Variants in SLC17A8 observed in about 807,000 individuals in gnomAD.
SLC17A8 encodes the protein solute carrier family 17 member 8.
SLC17A8 carries 31 observed loss-of-function variants against 58.0 expected under a neutral mutation model. The ratio of observed to expected loss-of-function variants is 0.53; its 90% confidence interval spans 0.40 to 0.72. The LOEUF (loss-of-function observed/expected upper bound fraction) is 0.72, where lower values mean the gene tolerates loss of function less well. SLC17A8 is among the 30% of genes least tolerant of loss of function. The pLI, the probability that SLC17A8 is intolerant of heterozygous loss-of-function variation, is 0.00. For synonymous variants in SLC17A8, 228 were observed against 249.0 expected (o/e 0.92, Z 0.79); for missense variants, 655 against 727.8 (o/e 0.90, Z 1.15).
chr12:100,419,946 A>G lies in SLC17A8; in HGVS notation c.1557A>G (p.Lys519=). The part of the protein sequence containing the change: ...WADPENLSEE[K]CGIIDQDELA... ...ACCCAGAGAATCTCTCTGAGGAGAAATGTGGAATCATTGACCAGGACGAAT... is the reference window on the plus strand; with the variant it reads ...ACCCAGAGAATCTCTCTGAGGAGAAGTGTGGAATCATTGACCAGGACGAAT... The change falls in exon 12 of 12, where the codon AAA becomes AAG. Residue 519 remains lysine (K), a synonymous_variant. Coordinates refer to ENST00000323346, the MANE Select transcript of SLC17A8 (RefSeq NM_139319.3). 6.2e-7 allele frequency: 1 copy of G among 1,614,184 alleles called. No homozygotes were observed. The highest frequency in any genetic ancestry group is 8.5e-7 in the Non-Finnish European group (1 of 1,180,042).
intron 2 of SLC17A8, among the ~76,000 whole-genome samples, chr12:100,386,234 T>C (rs986322708): frequency 2.0e-5 from 3 of 152,156 alleles, no homozygotes; most frequent in Non-Finnish European, 4.4e-5. Context: ...TGACACAGTG[T>C]TTGGTTTATT....
chr12:100,400,638 A>T (rs1952784453), intron 5 of SLC17A8, among the ~76,000 whole-genome samples: 1 of 152,164 alleles, frequency 6.6e-6, no homozygotes, highest in African/African-American at 2.4e-5. Context: ...CTTCCTTAGC[A>T]TCAAATTCTG....
intron 1 of SLC17A8, among the ~76,000 whole-genome samples, chr12:100,364,969 G>GT (rs1419351367): frequency 6.6e-6 from 1 of 152,090 alleles, no homozygotes; most frequent in East Asian, 1.9e-4. Flanking sequence ...ACCAAACTAA[G>GT]TTTTTTTTCC....
At chr12:100,361,835 C>T (rs887704370) in intron 1 of SLC17A8, among the ~76,000 whole-genome samples, 3 of 152,028 alleles carry the variant, frequency 2.0e-5, no homozygotes, top group African/African-American at 7.2e-5. Flanking sequence ...GAGGCATGTG[C>T]CTATAGTCGT....
intron 9 of SLC17A8, among the ~76,000 whole-genome samples, chr12:100,405,861 G>A (rs996694921): frequency 1.1e-4 from 17 of 152,250 alleles, no homozygotes; most frequent in Admixed American, 9.8e-4. Context: ...CTAACACAGC[G>A]GTAGGCAGGG....
At chr12:100,419,394 CGTG>C (rs1356537311) in intron 11 of SLC17A8, among the ~76,000 whole-genome samples, 1 of 151,932 alleles carries the variant, frequency 6.6e-6, no homozygotes, top group Non-Finnish European at 1.5e-5. Context: ...ATTAGCCAGG[CGTG>C]GTGGCGGGCA....
chr12:100,397,593 C>T (rs984301184), intron 5 of SLC17A8, among the ~76,000 whole-genome samples: 2 of 152,116 alleles, frequency 1.3e-5, no homozygotes, highest in Admixed American at 6.6e-5. Flanking sequence ...CAGCACATGC[C>T]GCTGCCATCA....
chr12:100,381,094 C>G (rs1592993805), intron 2 of SLC17A8, 141 bp downstream of exon 2: 1 of 904,332 alleles, frequency 1.1e-6, no homozygotes, highest in East Asian at 2.4e-5. Flanking sequence ...ATCTCAGCAT[C>G]CTCCCATTTC....
At chr12:100,401,696 A>G in intron 5 of SLC17A8, 81 bp from the exon 6 acceptor site, 1 of 1,147,412 alleles carries the variant, frequency 8.7e-7, no homozygotes, top group Non-Finnish European at 1.3e-6. Context: ...TTAATTCCTG[A>G]CTTTACCATA....
intron 2 of SLC17A8, among the ~76,000 whole-genome samples, chr12:100,386,848 C>T (rs192846808): frequency 6.6e-6 from 1 of 152,188 alleles, no homozygotes; most frequent in East Asian, 1.9e-4. Flanking sequence ...GCCACCATGC[C>T]AGGCTAATTT....
At chr12:100,382,146 G>A (rs1952642320) in intron 2 of SLC17A8, among the ~76,000 whole-genome samples, 1 of 152,228 alleles carries the variant, frequency 6.6e-6, no homozygotes, top group Non-Finnish European at 1.5e-5. Context: ...TTGAGGTGGA[G>A]GCAGCGAAGT....
At chr12:100,396,522 G>A in intron 5 of SLC17A8, 105 bp downstream of exon 5, 1 of 829,154 alleles carries the variant, frequency 1.2e-6, no homozygotes, top group Non-Finnish European at 2.0e-6. Flanking sequence ...GCCGAGGCAG[G>A]AGGATCCCTG....
rs535097487 is a variant in SLC17A8, at chr12:100,405,112, C to A, written c.1186+942C>A. On this transcript the variant is annotated intron_variant, in intron 9 of 11. Coordinates refer to ENST00000323346, the MANE Select transcript of SLC17A8 (RefSeq NM_139319.3). Reference sequence around the variant, plus strand: ...ACACAGGAGCAGGCATGATCTGATCCCATAGCATTTCGGGAAGAAAGCCTA... The same window carrying A: ...ACACAGGAGCAGGCATGATCTGATCACATAGCATTTCGGGAAGAAAGCCTA... Among the ~76,000 whole-genome samples, 5 of 152,318 alleles carry A rather than the reference C, an allele frequency of 3.3e-5. No homozygotes were observed. The South Asian group carries it at 1.0e-3, about 32-fold the overall frequency.
intron 9 of SLC17A8, among the ~76,000 whole-genome samples, chr12:100,409,490 G>A (rs17030143): frequency 0.42 from 63,599 of 151,980 alleles, 13,834 homozygotes; most frequent in Non-Finnish European, 0.47. Flanking sequence ...CTGGCCAAAC[G>A]TTATTTATTG....
At chr12:100,370,748 CTA>C (rs1952553708) in intron 1 of SLC17A8, among the ~76,000 whole-genome samples, 1 of 151,952 alleles carries the variant, frequency 6.6e-6, no homozygotes, top group Non-Finnish European at 1.5e-5. Flanking sequence ...GCCATAGAGA[CTA>C]TCTTTTTTTC....
chr12:100,362,891 C>A (rs1952493673), intron 1 of SLC17A8, among the ~76,000 whole-genome samples: 1 of 152,130 alleles, frequency 6.6e-6, no homozygotes, highest in South Asian at 2.1e-4. Context: ...GTCTAAATCC[C>A]TGGTTAACAT....
intron 9 of SLC17A8, among the ~76,000 whole-genome samples, chr12:100,405,723 T>C (rs527966351): frequency 5.9e-4 from 90 of 152,326 alleles, no homozygotes; most frequent in Middle Eastern, 3.4e-3. Flanking sequence ...GAGAGTATTT[T>C]AGAGGTGACA....
rs371529447 is a variant in SLC17A8, at chr12:100,388,766, C to T, written c.355-2235C>T. Reference sequence around the variant, plus strand: ...CATAGTATGTTGATAATTAGGAACCCTCTTACTCCATATTTGCATTTTGAT... The same window carrying T: ...CATAGTATGTTGATAATTAGGAACCTTCTTACTCCATATTTGCATTTTGAT... On this transcript the variant is annotated intron_variant, in intron 2 of 11. Transcript: ENST00000323346. Among the ~76,000 whole-genome samples, 6 of 152,202 alleles carry T rather than the reference C, an allele frequency of 3.9e-5. No homozygotes were observed. The East Asian group carries it at 1.2e-3, about 29-fold the overall frequency.
chr12:100,403,600 C>T (rs572402176), intron 8 of SLC17A8, among the ~76,000 whole-genome samples: 1 of 152,250 alleles, frequency 6.6e-6, no homozygotes, highest in African/African-American at 2.4e-5. Flanking sequence ...CAACCATCAT[C>T]ATAAGATAAA....
Sources: gnomAD v4.1 joint callset for allele counts (sites outside exome capture counted in the v4.1 genomes callset) on GRCh38, gnomAD v4.1.1 for gene constraint, MANE v1.5 for transcripts, NCBI Gene and HGNC (gene_info 2026-07-23, HGNC 2026-07-21) for gene names.